Variants in LYPD6B observed in about 807,000 individuals in gnomAD.
LYPD6B encodes ly6/PLAUR domain-containing protein 6B.
LYPD6B carries 17 observed loss-of-function variants against 22.8 expected under a neutral mutation model. The ratio of observed to expected loss-of-function variants is 0.75; its 90% CI spans 0.51 to 1.12. The LOEUF is 1.12. Ranked by LOEUF, LYPD6B falls within the 50% of genes most tolerant of loss-of-function variation. LYPD6B has a pLI of 0.00. For missense variants in LYPD6B, 221 were observed against 258.3 expected, an observed-to-expected ratio of 0.86 and a Z score of 0.99; for synonymous variants, 106 against 91.6, an observed-to-expected ratio of 1.16 and a Z score of -0.90.
At chr2:149,046,281 G>A (rs1683300494) in intron 1 of LYPD6B, among the ~76,000 whole-genome samples, 1 of 151,846 alleles carries the variant, frequency 6.6e-6, no homozygotes, top group African/African-American at 2.4e-5. Context: ...CTATATTTAG[G>A]TTATAAAATA....
intron 2 of LYPD6B, among the ~76,000 whole-genome samples, chr2:149,145,344 G>A (rs915765570): frequency 3.9e-5 from 6 of 152,194 alleles, no homozygotes; most frequent in African/African-American, 1.2e-4. Context: ...TGGGATATTA[G>A]AGGATATTTG....
intron 1 of LYPD6B, chr2:149,068,881 A>C: frequency 3.1e-6 from 1 of 321,860 alleles, no homozygotes. Flanking sequence ...CTTCCTGAAA[A>C]GCAAACTTCT....
intron 1 of LYPD6B, among the ~76,000 whole-genome samples, chr2:149,088,384 T>G (rs1388462418): frequency 6.6e-6 from 1 of 152,186 alleles, no homozygotes; most frequent in Non-Finnish European, 1.5e-5. Flanking sequence ...CCCAAACAGA[T>G]ACCTTCATAT....
At chr2:149,192,983 G>A (rs1692591536) in intron 3 of LYPD6B, among the ~76,000 whole-genome samples, 1 of 152,046 alleles carries the variant, frequency 6.6e-6, no homozygotes, top group Non-Finnish European at 1.5e-5. Flanking sequence ...GCTCGCTTCT[G>A]GAGTGATTAT....
rs188849569 is a variant in LYPD6B at position 149,131,295 on chromosome 2, G to A, written c.5+342G>A. ...TCCTTAAGGTTGCCAGCATGAAAGT[G>A]CTTCAGATGGCTTTGAGTCCTAATC... On this transcript the variant is annotated intron_variant, in intron 2 of 6. Transcript: ENST00000409642. 16 of 238,158 alleles carry A rather than the reference G, an allele frequency of 6.7e-5. No individual in the cohort carries two copies. The East Asian group carries it at 1.6e-3, about 23-fold the overall frequency. The allele number at this position is 238,158 out of a possible 1,614,324, so 14.8% of individuals were successfully genotyped here. A position where few individuals can be genotyped will look rare whatever the true frequency, so the allele number is the denominator to read the frequency against.
intron 1 of LYPD6B, among the ~76,000 whole-genome samples, chr2:149,072,488 TTTTATTTTA>T (rs1558981145): frequency 9.2e-6 from 1 of 108,590 alleles, no homozygotes; most frequent in Non-Finnish European, 1.9e-5. Context: ...GTTATTTTTA[TTTTATTTTA>T]TTTTATTTTA....
At chr2:149,050,651 G>A (rs1241135574) in intron 1 of LYPD6B, among the ~76,000 whole-genome samples, 1 of 152,194 alleles carries the variant, frequency 6.6e-6, no homozygotes, top group Non-Finnish European at 1.5e-5. Context: ...CACAGAGGTG[G>A]TATTAGTGTT....
At chr2:149,167,779 TG>T (rs1399649198) in intron 3 of LYPD6B, among the ~76,000 whole-genome samples, 1 of 152,222 alleles carries the variant, frequency 6.6e-6, no homozygotes, top group African/African-American at 2.4e-5. Context: ...GTTGGTTTTA[TG>T]ACCAGTGTTG....
At position 149,055,272 on chromosome 2, in the gene LYPD6B, A is replaced by G. The variant is rs1412148577; in HGVS notation, c.-67+16471A>G. On this transcript the variant is annotated intron_variant, in intron 1 of 6. Coordinates refer to ENST00000409642, the MANE Select transcript of LYPD6B (RefSeq NM_177964.5). Reference sequence around the variant, plus strand: ...TTGTGCATCTGTCCTTGTTGGCAGTACCACAAAATATTGATTATTGTTGCT... The same window carrying G: ...TTGTGCATCTGTCCTTGTTGGCAGTGCCACAAAATATTGATTATTGTTGCT... Among the ~76,000 whole-genome samples, 2 of 152,244 alleles carry G rather than the reference A, an allele frequency of 1.3e-5. 1 individual carries two copies. Among genetic ancestry groups the G allele is most frequent in the Non-Finnish European group, 2.9e-5 (2 of 68,046 alleles).
chr2:149,039,304 T>C (rs989905163), intron 1 of LYPD6B, among the ~76,000 whole-genome samples: 1 of 152,222 alleles, frequency 6.6e-6, no homozygotes, highest in Non-Finnish European at 1.5e-5. Context: ...GGCTCTTTAC[T>C]TTTGTTGTTG....
chr2:149,093,082 C>A (rs1685734307), intron 1 of LYPD6B, among the ~76,000 whole-genome samples: 1 of 152,102 alleles, frequency 6.6e-6, no homozygotes, highest in South Asian at 2.1e-4. Context: ...TGCTTAAGGG[C>A]TGTTTGACCT....
chr2:149,209,175 G>A (rs1380185868), intron 5 of LYPD6B, among the ~76,000 whole-genome samples: 1 of 152,162 alleles, frequency 6.6e-6, no homozygotes, highest in Non-Finnish European at 1.5e-5. Context: ...TATTGTAAAG[G>A]TGGTGAGAAG....
At chr2:149,044,081 C>A (rs1114327) in intron 1 of LYPD6B, among the ~76,000 whole-genome samples, 1 of 151,986 alleles carries the variant, frequency 6.6e-6, no homozygotes, top group Non-Finnish European at 1.5e-5. Flanking sequence ...CAACTTTATT[C>A]TTTTTCAAAA....
Position 149,043,425 on chromosome 2 carries a change from A to C in LYPD6B, c.-67+4624A>C, listed in dbSNP as rs148690683. ...TATGTTTGGACCCATTACTGCCTGG[A>C]AAAAACAGAAACGCAAATAAAATTT... On this transcript the variant is annotated intron_variant, in intron 1 of 6. Coordinates refer to ENST00000409642, the MANE Select transcript of LYPD6B (RefSeq NM_177964.5). Among the ~76,000 whole-genome samples the C allele has an allele frequency of 3.0e-4, 46 of 152,294 alleles. No individual in the cohort carries two copies. The East Asian group carries it at 8.5e-3, about 28-fold the overall frequency.
intron 3 of LYPD6B, among the ~76,000 whole-genome samples, chr2:149,167,529 C>T (rs1238261342): frequency 1.3e-5 from 2 of 152,060 alleles, no homozygotes; most frequent in Non-Finnish European, 2.9e-5. Flanking sequence ...GAGTGTGGTA[C>T]GTGTGTGGGG....
At chr2:149,062,276 C>G (rs1207047498) in intron 1 of LYPD6B, among the ~76,000 whole-genome samples, 1 of 152,158 alleles carries the variant, frequency 6.6e-6, no homozygotes, top group African/African-American at 2.4e-5. Flanking sequence ...CGTGAGCCAC[C>G]GCGCCCGGCA....
chr2:149,169,001 A>G (rs1366662540), intron 3 of LYPD6B, among the ~76,000 whole-genome samples: 1 of 152,194 alleles, frequency 6.6e-6, no homozygotes, highest in Non-Finnish European at 1.5e-5. Flanking sequence ...TGTATTTTCT[A>G]TAGGTTTTTA....
chr2:149,052,160 G>T (rs1683590144), intron 1 of LYPD6B, among the ~76,000 whole-genome samples: 1 of 151,976 alleles, frequency 6.6e-6, no homozygotes, highest in South Asian at 2.1e-4. Flanking sequence ...GGGTTCAAGT[G>T]ATTCTTCTGC....
intron 1 of LYPD6B, among the ~76,000 whole-genome samples, chr2:149,056,839 A>T (rs899476612): frequency 1.4e-4 from 21 of 152,268 alleles, no homozygotes; most frequent in African/African-American, 3.8e-4. Flanking sequence ...TTGTCCATAG[A>T]TGCTTATGAC....
Sources: gnomAD v4.1 joint callset for allele counts (sites outside exome capture counted in the v4.1 genomes callset) on GRCh38, gnomAD v4.1.1 for gene constraint, MANE v1.5 for transcripts, NCBI Gene and HGNC (gene_info 2026-07-23, HGNC 2026-07-21) for gene names.